The following GPD2 variants were observed in gnomAD, a reference collection of about 807,000 sequenced individuals.
GPD2 encodes glycerol-3-phosphate dehydrogenase, mitochondrial.
In GPD2, 54 loss-of-function variants were observed where a neutral mutation model predicts 82.4. That is an observed-to-expected ratio of 0.66 (90% CI 0.53 to 0.82). GPD2 has a LOEUF of 0.82. Ranked by LOEUF, GPD2 falls within the 40% of genes least tolerant of loss-of-function variation. The pLI is 0.00. For missense variants in GPD2, 748 were observed against 896.2 expected, an observed-to-expected ratio of 0.83 and a Z score of 2.11; for synonymous variants, 288 against 306.1, an observed-to-expected ratio of 0.94 and a Z score of 0.62.
chr2:156,400,597 G>A, the GPD2 span, among the ~76,000 whole-genome samples: 1 of 152,248 alleles, frequency 6.6e-6, no homozygotes, highest in African/African-American at 2.4e-5. Flanking sequence ...AGCTCGTTGC[G>A]CGAGGTCTGA....
chr2:156,401,389 A>AACTT, the GPD2 span, among the ~76,000 whole-genome samples: 29,985 of 152,068 alleles, frequency 0.2, 3,327 homozygotes, highest in Non-Finnish European at 0.25. Context: ...TCATTATACT[A>AACTT]CTTTAGAACT....
intron 8 of GPD2, among the ~76,000 whole-genome samples, chr2:156,553,931 C>A (rs1380085506): frequency 6.6e-6 from 1 of 152,144 alleles, no homozygotes; most frequent in African/African-American, 2.4e-5. Context: ...CAGTAAGTGA[C>A]CTCATTCTAT....
chr2:156,424,945 C>T, the GPD2 span, among the ~76,000 whole-genome samples: 1 of 152,140 alleles, frequency 6.6e-6, no homozygotes, highest in South Asian at 2.1e-4. Flanking sequence ...TAACTTAATA[C>T]ATTGCCATAT....
the GPD2 span, among the ~76,000 whole-genome samples, chr2:156,420,617 AAAC>A: frequency 1.3e-5 from 2 of 152,240 alleles, no homozygotes; most frequent in Admixed American, 6.5e-5. Flanking sequence ...CATGATATAA[AAAC>A]AAAACTAATT....
At chr2:156,532,911 G>A (rs759725756) in intron 6 of GPD2, among the ~76,000 whole-genome samples, 2 of 152,188 alleles carry the variant, frequency 1.3e-5, no homozygotes, top group Non-Finnish European at 2.9e-5. Context: ...TTTATATTGT[G>A]AAAGAGCTGT....
chr2:156,441,046 C>G (rs906753111), intron 1 of GPD2, among the ~76,000 whole-genome samples: 4 of 152,276 alleles, frequency 2.6e-5, no homozygotes, highest in Admixed American at 2.0e-4. Context: ...CAGTCAGTCA[C>G]CAGTGGACAA....
intron 2 of GPD2, among the ~76,000 whole-genome samples, chr2:156,482,111 A>G (rs1683754151): frequency 6.6e-6 from 1 of 152,226 alleles, no homozygotes; most frequent in Admixed American, 6.5e-5. Flanking sequence ...ATGAATATAA[A>G]GTGCGGTTGT....
At chr2:156,487,610 C>T (rs1366605938) in intron 2 of GPD2, among the ~76,000 whole-genome samples, 1 of 152,158 alleles carries the variant, frequency 6.6e-6, no homozygotes, top group Non-Finnish European at 1.5e-5. Context: ...CCTCACTGGT[C>T]AAAAGATTCC....
At chr2:156,441,212 T>C (rs1471793620) in intron 1 of GPD2, among the ~76,000 whole-genome samples, 1 of 152,232 alleles carries the variant, frequency 6.6e-6, no homozygotes, top group Non-Finnish European at 1.5e-5. Flanking sequence ...CTTCTTCATC[T>C]GGCTGTTGAT....
chr2:156,536,799 C>A (rs746851832), intron 6 of GPD2, among the ~76,000 whole-genome samples: 1 of 152,202 alleles, frequency 6.6e-6, no homozygotes, highest in African/African-American at 2.4e-5. Context: ...CACTCCTCAT[C>A]AGTACGTGGG....
intron 2 of GPD2, among the ~76,000 whole-genome samples, chr2:156,485,427 T>G (rs1683903713): frequency 6.6e-6 from 1 of 152,250 alleles, no homozygotes; most frequent in South Asian, 2.1e-4. Context: ...GTTGTCTGTA[T>G]GGATTTATTT....
chr2:156,467,388 T>G (rs1683185599), intron 1 of GPD2, among the ~76,000 whole-genome samples: 1 of 152,258 alleles, frequency 6.6e-6, no homozygotes, highest in East Asian at 1.9e-4. Context: ...AGGATTATGT[T>G]TCACACATTT....
chr2:156,431,811 T>TTTGTTATTATATTTTATG (rs1688319489), upstream of GPD2, among the ~76,000 whole-genome samples: 8 of 152,182 alleles, frequency 5.3e-5, no homozygotes, highest in Admixed American at 2.0e-4. Context: ...TATATTTTAT[T>TTTGTTATTATATTTTATG]CTCTTTAGAA....
At chr2:156,451,462 CGGGGG>C (rs1233936406) in intron 1 of GPD2, among the ~76,000 whole-genome samples, 1 of 97,542 alleles carries the variant, frequency 1.0e-5, no homozygotes, top group Non-Finnish European at 2.1e-5. Flanking sequence ...GCTGGCCGGG[CGGGGG>C]GCTGACCCCC....
At chr2:156,413,337 T>C in the GPD2 span, among the ~76,000 whole-genome samples, 1 of 151,636 alleles carries the variant, frequency 6.6e-6, no homozygotes, top group Non-Finnish European at 1.5e-5. Context: ...ATTCCAGCAC[T>C]TTGGGAGGCC....
At chr2:156,524,993 G>A (rs560395390) in intron 6 of GPD2, among the ~76,000 whole-genome samples, 3 of 152,122 alleles carry the variant, frequency 2.0e-5, no homozygotes, top group South Asian at 2.1e-4. Flanking sequence ...TTCTTTATGG[G>A]TTAGTTGGAT....
At chr2:156,529,891 C>T (rs1685778224) in intron 6 of GPD2, among the ~76,000 whole-genome samples, 1 of 152,096 alleles carries the variant, frequency 6.6e-6, no homozygotes, top group African/African-American at 2.4e-5. Context: ...CAGCTTTGTT[C>T]TTTTGGCTTA....
At chr2:156,451,113 T>A (rs990107624) in intron 1 of GPD2, among the ~76,000 whole-genome samples, 4 of 149,834 alleles carry the variant, frequency 2.7e-5, no homozygotes, top group African/African-American at 9.8e-5. Flanking sequence ...TTTCCCCACC[T>A]TTCCCCCCGT....
chr2:156,517,991 C>T (rs1048775515), intron 6 of GPD2, among the ~76,000 whole-genome samples: 7 of 152,128 alleles, frequency 4.6e-5, no homozygotes, highest in Admixed American at 4.6e-4. Context: ...GTTTCATACC[C>T]GACGATGCTT....
Sources: gnomAD v4.1 joint callset for allele counts (sites outside exome capture counted in the v4.1 genomes callset) on GRCh38, gnomAD v4.1.1 for gene constraint, MANE v1.5 for transcripts, NCBI Gene and HGNC (gene_info 2026-07-23, HGNC 2026-07-21) for gene names.